BTBD7: variants seen among roughly 807,000 people sequenced by gnomAD.
BTBD7 encodes BTB/POZ domain-containing protein 7.
A neutral mutation model predicts 99.9 loss-of-function variants in BTBD7; 38 were observed. The ratio of observed to expected loss-of-function variants is 0.38; its 90% CI spans 0.29 to 0.50. The LOEUF (loss-of-function observed/expected upper bound fraction) is 0.50, where lower values mean the gene tolerates loss of function less well. BTBD7 is among the 20% of genes least tolerant of loss of function. The pLI, the probability that BTBD7 is intolerant of heterozygous loss-of-function variation, is 0.93. For missense variants in BTBD7, 1,170 were observed against 1,394.6 expected, an observed-to-expected ratio of 0.84 and a Z score of 2.57; for synonymous variants, 520 against 511.4, an observed-to-expected ratio of 1.02 and a Z score of -0.23.
At position 93,240,526 on chromosome 14, in the gene BTBD7, T is replaced by A. The variant is rs1004811354; in HGVS notation, c.*1747A>T. The A allele has an allele frequency of 6.6e-6, 1 of 152,590 alleles. No homozygotes were observed. Among genetic ancestry groups the A allele is most frequent in the African/African-American group, 2.4e-5 (1 of 41,442 alleles). The allele number at this position is 152,590 out of a possible 1,614,324, so 9.5% of individuals were successfully genotyped here. On this transcript the variant is annotated 3_prime_UTR_variant, in exon 11 of 11. Coordinates refer to ENST00000334746, the MANE Select transcript of BTBD7 (RefSeq NM_001002860.4). ...TAGCCCTGCATAGTTTTCGAGTGAG[T>A]GTGAGTGATTCATAGTTTTTTATAT... is the stretch of plus-strand genomic sequence containing the variant.
intron 1 of BTBD7, among the ~76,000 whole-genome samples, chr14:93,298,103 TAGC>T: frequency 6.6e-6 from 1 of 152,300 alleles, no homozygotes. Context: ...TTTAGTAACA[TAGC>T]AGAGTATGCT....
intron 3 of BTBD7, among the ~76,000 whole-genome samples, chr14:93,276,600 G>A (rs2052658763): frequency 6.6e-6 from 1 of 152,130 alleles, no homozygotes; most frequent in African/African-American, 2.4e-5. Context: ...ACAAAACCAA[G>A]TGAATACTGG....
intron 3 of BTBD7, among the ~76,000 whole-genome samples, chr14:93,285,879 GA>G (rs2052771346): frequency 6.6e-6 from 1 of 152,216 alleles, no homozygotes; most frequent in African/African-American, 2.4e-5. Flanking sequence ...GGCTTAAAGA[GA>G]AAAGGAATTT....
Position 93,333,034 on chromosome 14 carries a change from C to A in BTBD7, c.-321G>T. On this transcript the variant is annotated 5_prime_UTR_variant, in exon 1 of 11. Coordinates refer to ENST00000334746, the MANE Select transcript of BTBD7 (RefSeq NM_001002860.4). ...CCGCCATTTTGACTCCTAGACGGAG[C>A]AGGAGGGGCTCGGTTCGGCGTGGCC... 1 of 485,274 alleles carries A rather than the reference C, an allele frequency of 2.1e-6. No individual in the cohort carries two copies. The highest frequency in any genetic ancestry group is 3.6e-6 in the Non-Finnish European group (1 of 280,922). The allele number at this position is 485,274 out of a possible 1,614,324, so 30.1% of individuals were successfully genotyped here. A position where few individuals can be genotyped will look rare whatever the true frequency, so the allele number is the denominator to read the frequency against.
At chr14:93,291,710 T>C (rs982281755) in intron 3 of BTBD7, among the ~76,000 whole-genome samples, 1 of 151,334 alleles carries the variant, frequency 6.6e-6, no homozygotes, top group African/African-American at 2.4e-5. Flanking sequence ...TTGTTTTAAG[T>C]AACCAGATTA....
rs904511715 is a variant in BTBD7 at position 93,242,041 on chromosome 14, C to A, written c.*232G>T. 11 of 484,528 alleles carry A rather than the reference C, an allele frequency of 2.3e-5. No homozygotes were observed. The Admixed American group carries it at 3.7e-4, about 16-fold the overall frequency. 30.0% of individuals were successfully genotyped at this position (484,528 alleles called of 1,614,324 possible). A position where few individuals can be genotyped will look rare whatever the true frequency, so the allele number is the denominator to read the frequency against. ...GCCAGCCTGCTTGTTCTTAAAAATG[C>A]CTCCCGACATAATTGTTCAAAGACA... On this transcript the variant is annotated 3_prime_UTR_variant, in exon 11 of 11. Coordinates refer to ENST00000334746, the MANE Select transcript of BTBD7 (RefSeq NM_001002860.4).
chr14:93,270,231 G>A (rs1304560283), intron 3 of BTBD7, among the ~76,000 whole-genome samples: 1 of 152,058 alleles, frequency 6.6e-6, no homozygotes, highest in Non-Finnish European at 1.5e-5. Flanking sequence ...GAGTAGCTGG[G>A]ATTACAGGCG....
At chr14:93,281,963 G>A (rs1246189853) in intron 3 of BTBD7, among the ~76,000 whole-genome samples, 2 of 152,234 alleles carry the variant, frequency 1.3e-5, no homozygotes, top group Non-Finnish European at 2.9e-5. Context: ...GTCTGCTGAA[G>A]TGCAAAGTAT....
At chr14:93,256,561 G>A (rs943755089) in intron 6 of BTBD7, 1 of 151,944 alleles carries the variant, frequency 6.6e-6, no homozygotes, top group Non-Finnish European at 1.5e-5. Context: ...TGGGATTATA[G>A]GCATGCACCA....
At chr14:93,304,872 G>C (rs1173595464) in intron 1 of BTBD7, among the ~76,000 whole-genome samples, 1 of 152,212 alleles carries the variant, frequency 6.6e-6, no homozygotes, top group African/African-American at 2.4e-5. Flanking sequence ...GAGCTGGAGA[G>C]ATAAGCAAAC....
intron 1 of BTBD7, among the ~76,000 whole-genome samples, chr14:93,312,778 A>T (rs1000004197): frequency 6.6e-6 from 1 of 152,064 alleles, no homozygotes; most frequent in Non-Finnish European, 1.5e-5. Context: ...TGCCCAGCCC[A>T]CTGCCACTGG....
rs770087269 is a variant in BTBD7 at position 93,245,879 on chromosome 14, G to A, written c.2529C>T (p.Ala843=). 4.3e-6 allele frequency: 7 copies of A among 1,612,924 alleles called. No individual in the cohort carries two copies. The South Asian group carries it at 6.6e-5, about 15-fold the overall frequency. ...LGRQTVAAAA[A]TTTSTATAAA... The stretch of plus-strand genomic sequence containing the variant: ...CTGCTGTTGCTGTTGAGGTGGTGGT[G>A]GCGGCAGCAGCAGCCACCGTCTGTC... The change falls in exon 10 of 11, where the codon GCC becomes GCT. Residue 843 remains alanine, a synonymous_variant. Coordinates refer to ENST00000334746, the MANE Select transcript of BTBD7 (RefSeq NM_001002860.4).
intron 1 of BTBD7, among the ~76,000 whole-genome samples, chr14:93,308,966 A>C (rs1434227543): frequency 6.6e-6 from 1 of 152,206 alleles, no homozygotes; most frequent in African/African-American, 2.4e-5. Flanking sequence ...ATACACTTAA[A>C]ACTGGTTAAA....
At chr14:93,302,852 A>G (rs1421310972) in intron 1 of BTBD7, among the ~76,000 whole-genome samples, 1 of 151,744 alleles carries the variant, frequency 6.6e-6, no homozygotes, top group Non-Finnish European at 1.5e-5. Flanking sequence ...CAAAAACAAA[A>G]CAAAAAACCA....
rs546544452 is a variant in BTBD7, at chr14:93,307,449, C to T, written c.-106-11292G>A. Among the ~76,000 whole-genome samples the T allele has an allele frequency of 5.9e-5, 9 of 152,356 alleles. No individual in the cohort carries two copies. In the South Asian group the frequency reaches 1.7e-3, roughly 28 times the overall value. ...CAGATTACAGGCACGAGCCAGCACA[C>T]CCAGACGTGACTTTACTTTCTAGAG... On this transcript the variant is annotated intron_variant, in intron 1 of 10. Coordinates refer to ENST00000334746, the MANE Select transcript of BTBD7 (RefSeq NM_001002860.4).
rs181590429 is a variant in BTBD7 at position 93,310,601 on chromosome 14, C to T, written c.-106-14444G>A. 4.6e-3 allele frequency among the ~76,000 whole-genome samples: 703 copies of T among 151,928 alleles called. 6 individuals are homozygous for T. Among genetic ancestry groups the T allele is most frequent in the African/African-American group, 0.016 (669 of 41,430 alleles). On this transcript the variant is annotated intron_variant, in intron 1 of 10. Transcript: ENST00000334746. ...CTCTACTAAAATAATAAAAATTGGC[C>T]GGGTGTGGTGGCACGCACCTGTAGT...
At chr14:93,277,881 A>G (rs1474503984) in intron 3 of BTBD7, among the ~76,000 whole-genome samples, 1 of 152,218 alleles carries the variant, frequency 6.6e-6, no homozygotes, top group Non-Finnish European at 1.5e-5. Flanking sequence ...ACCCAAATGT[A>G]TAATTTCCTG....
intron 3 of BTBD7, 73 bp from the exon 4 acceptor site, chr14:93,264,066 G>A (rs2052517795): frequency 8.7e-6 from 12 of 1,372,230 alleles, no homozygotes; most frequent in Middle Eastern, 1.9e-4. Flanking sequence ...TGCTAGGCAC[G>A]ATATTTAAAA....
chr14:93,309,891 A>G (rs1272678025), intron 1 of BTBD7, among the ~76,000 whole-genome samples: 1 of 152,220 alleles, frequency 6.6e-6, no homozygotes, highest in Non-Finnish European at 1.5e-5. Context: ...AATATACAAT[A>G]AAAAAGTGGA....
Sources: allele counts gnomAD v4.1 joint callset (sites outside exome capture counted in the v4.1 genomes callset), GRCh38; gene constraint gnomAD v4.1.1; transcripts MANE v1.5; gene names NCBI Gene and HGNC (gene_info 2026-07-23, HGNC 2026-07-21).